Variants in UBR4 observed in about 807,000 individuals in gnomAD.
UBR4 encodes the protein E3 ubiquitin-protein ligase UBR4.
In UBR4, 124 loss-of-function variants were observed where a neutral mutation model predicts 575.6. That is an observed-to-expected ratio of 0.22 (90% CI 0.19 to 0.25). UBR4 has a LOEUF of 0.25. Among genes scored for constraint, UBR4 ranks in the 10% least tolerant of loss-of-function variants. The probability of loss-of-function intolerance (pLI) is 1.00; values close to 1 mark genes in which losing one functional copy is unlikely to be tolerated. For missense variants in UBR4, 4,818 were observed against 6,478.8 expected (o/e 0.74, Z 8.80); for synonymous variants, 2,455 against 2,473.7 (o/e 0.99, Z 0.22).
intron 37 of UBR4, 138 bp downstream of exon 37, chr1:19,161,451 T>A (rs2087358083): frequency 1.6e-6 from 2 of 1,216,430 alleles, no homozygotes; most frequent in African/African-American, 3.0e-5. Context: ...GCCACAACTG[T>A]GCAGATCATC....
chr1:19,087,770 G>T, intron 99 of UBR4, 46 bp downstream of exon 99: 1 of 1,503,154 alleles, frequency 6.7e-7, no homozygotes, highest in South Asian at 1.2e-5. Flanking sequence ...TAGAACAAGG[G>T]GTCAGGCTGG....
At chr1:19,106,016 G>C (rs1180074748) in intron 83 of UBR4, among the ~76,000 whole-genome samples, 174 bp from the exon 84 acceptor site, 2 of 152,184 alleles carry the variant, frequency 1.3e-5, no homozygotes, top group Admixed American at 1.3e-4. Flanking sequence ...GTTTTAGATG[G>C]GGAAAGGGGC....
At chr1:19,128,389 CAG>C in intron 61 of UBR4, 71 bp from the exon 62 acceptor site, 1 of 1,315,240 alleles carries the variant, frequency 7.6e-7, no homozygotes, top group Non-Finnish European at 1.1e-6. Flanking sequence ...CGGGGTGTTT[CAG>C]AAGAAATCCT....
At chr1:19,149,749 G>A in intron 49 of UBR4, 3 of 1,301,428 alleles carry the variant, frequency 2.3e-6, no homozygotes, top group Non-Finnish European at 3.0e-6. Flanking sequence ...AGAAAAGAAA[G>A]AGGGCATACT....
intron 104 of UBR4, 35 bp downstream of exon 104, chr1:19,077,941 G>C: frequency 6.2e-7 from 1 of 1,613,060 alleles, no homozygotes; most frequent in Non-Finnish European, 8.5e-7. Flanking sequence ...TTACACTCTT[G>C]CCAAAACCCA....
At chr1:19,176,814 G>T (rs1264963888) in intron 19 of UBR4, 87 bp from the exon 20 acceptor site, 13 of 1,431,094 alleles carry the variant, frequency 9.1e-6, no homozygotes, top group Non-Finnish European at 3.8e-6. Context: ...TCGGTACACT[G>T]AATCTTGGTA....
chr1:19,146,182 A>G, intron 52 of UBR4: 3 of 1,233,362 alleles, frequency 2.4e-6, no homozygotes, highest in Non-Finnish European at 3.3e-6. Flanking sequence ...TGTTTACCGC[A>G]GATTCAAAGA....
At chr1:19,186,843 A>C (rs540307076) in intron 13 of UBR4, among the ~76,000 whole-genome samples, 186 bp from the exon 14 acceptor site, 119 of 152,234 alleles carry the variant, frequency 7.8e-4, no homozygotes, top group Middle Eastern at 3.4e-3. Context: ...CGTGGACAAG[A>C]ATTGAAAACA....
rs76636569 is a variant in UBR4 at position 19,124,728 on chromosome 1, C to T, written c.9439-38G>A. Reference sequence around the variant, plus strand: ...AATTTGCATGAGAACCTGTGACTATCGATTTTCCATGACCACAATTAGGAA... The same window carrying T: ...AATTTGCATGAGAACCTGTGACTATTGATTTTCCATGACCACAATTAGGAA... On this transcript the variant is annotated intron_variant, in intron 64 of 105. Transcript: ENST00000375254. 4.4e-4 allele frequency: 696 copies of T among 1,596,430 alleles called. 4 individuals carry two copies. The East Asian group carries it at 0.015, about 35-fold the overall frequency.
chr1:19,099,153 A>T (rs114261911), intron 90 of UBR4, among the ~76,000 whole-genome samples: 2,692 of 152,312 alleles, frequency 0.018, 82 homozygotes, highest in African/African-American at 0.061. Context: ...CCATTCCCCA[A>T]CTAGTAAAAC....
At chr1:19,146,010 C>CA (rs1239927727) in intron 52 of UBR4, 77 bp from the exon 53 acceptor site, 5 of 1,609,388 alleles carry the variant, frequency 3.1e-6, no homozygotes, top group Non-Finnish European at 3.4e-6. Context: ...TAACTCAGGT[C>CA]AAGGAAGCTT....
At position 19,162,447 on chromosome 1, in the gene UBR4, T is replaced by C. The variant is rs777877858; in HGVS notation, c.4929A>G (p.Glu1643=). The C allele has an allele frequency of 6.2e-7, 1 of 1,613,980 alleles. No individual in the cohort carries two copies. Among genetic ancestry groups the C allele is most frequent in the Non-Finnish European group, 8.5e-7 (1 of 1,179,966 alleles). Reference sequence around the variant, plus strand: ...AATCCTCAGCCTGGGAATCTTCCTCTTCCACCGCCAACTCCTCCACCCAGT... The same window carrying C: ...AATCCTCAGCCTGGGAATCTTCCTCCTCCACCGCCAACTCCTCCACCCAGT... ...DSDWVEELAV[E]EEDSQAEDSD... is the part of the protein sequence containing the mutation. The change falls in exon 35 of 106, where the codon GAA becomes GAG. Residue 1643 remains glutamate, a synonymous_variant. Transcript: ENST00000375254.
rs1299652801 is a variant in UBR4 at position 19,105,123 on chromosome 1, G to T, written c.12570C>A (p.Leu4190=). ...AAEYLALYQK[L]ITSAHWKVYL... is the part of the protein sequence containing the mutation. ...AGACTTTCCAGTGCGCAGAAGTGAT[G>T]AGCTTCTGGTAGAGAGCCAGGTACT... The change falls in exon 85 of 106, where the codon CTC becomes CTA. Residue 4190 remains leucine, a synonymous_variant. Transcript: ENST00000375254. 8.1e-6 allele frequency: 13 copies of T among 1,614,008 alleles called. No homozygotes were observed. In the East Asian group the frequency reaches 2.9e-4, roughly 36 times the overall value.
rs201075045 is a variant in UBR4 at position 19,164,354 on chromosome 1, G to A, written c.4599C>T (p.Gly1533=). The change falls in exon 33 of 106, where the codon GGC becomes GGT. Residue 1533 remains glycine, a synonymous_variant. Coordinates refer to ENST00000375254, the MANE Select transcript of UBR4 (RefSeq NM_020765.3). Reference sequence around the variant, plus strand: ...CCATCACAACCATAAGTTCAGGGAAGCCAGTCCCATCACCGTTGGCCAGCA... The same window carrying A: ...CCATCACAACCATAAGTTCAGGGAAACCAGTCCCATCACCGTTGGCCAGCA... ...TEMLANGDGT[G]FPELMVVMAT... 15 of 1,614,198 alleles carry A rather than the reference G, an allele frequency of 9.3e-6. No individual in the cohort carries two copies. The highest frequency in any genetic ancestry group is 1.3e-5 in the African/African-American group (1 of 75,068).
chr1:19,177,735 G>C lies in UBR4; in HGVS notation c.2363C>G (p.Ser788Cys), dbSNP rs1324711367. ...TTGCAGGGCATTCTGCTTCATTGTA[G>C]ACAAAAACCTACCAGAGAGAAAAGA... Reference protein sequence around the residue: ...ECLKVWDRFLSTMKQNALQGV... With the variant: ...ECLKVWDRFLCTMKQNALQGV... The change falls in exon 19 of 106, where the codon TCT becomes TGT. Residue 788 changes from serine (S) to cysteine (C), a missense_variant. Coordinates refer to ENST00000375254, the MANE Select transcript of UBR4 (RefSeq NM_020765.3). The C allele has an allele frequency of 6.2e-7, 1 of 1,611,534 alleles. No homozygotes were observed.
At position 19,128,261 on chromosome 1, in the gene UBR4, G is replaced by A; in HGVS notation, c.9061C>T (p.Leu3021=). Residue 3021 remains leucine (L), a synonymous_variant, in exon 62 of 106, where the codon CTA becomes TTA. Coordinates refer to ENST00000375254, the MANE Select transcript of UBR4 (RefSeq NM_020765.3). ...ATAAGCTGGGAGAGCAGGTTGTCTA[G>A]GGCCCCCTTGTCTTTCTCATCTTCT... ...DGEDEKDKGA[L]DNLLSQLIAE... 2 of 1,614,036 alleles carry A rather than the reference G, an allele frequency of 1.2e-6. No individual in the cohort carries two copies. The highest frequency in any genetic ancestry group is 1.7e-6 in the Non-Finnish European group (2 of 1,179,972).
At chr1:19,127,884 T>A (rs1238088301) in intron 62 of UBR4, 145 bp from the exon 63 acceptor site, 1 of 678,880 alleles carries the variant, frequency 1.5e-6, no homozygotes, top group African/African-American at 1.8e-5. Context: ...AGTATATCCA[T>A]GGACTATACT....
chr1:19,188,423 G>A (rs1057500824), intron 11 of UBR4, among the ~76,000 whole-genome samples: 1 of 152,080 alleles, frequency 6.6e-6, no homozygotes, highest in Admixed American at 6.6e-5. Context: ...AAGTGGTGAG[G>A]CACACCTGTG....
chr1:19,080,700 G>A (rs778953137), intron 103 of UBR4: 10 of 152,212 alleles, frequency 6.6e-5, no homozygotes, highest in Non-Finnish European at 1.3e-4. Context: ...TACCCATGGG[G>A]TCTCCTCTGC....
Sources: gnomAD v4.1 joint callset for allele counts (sites outside exome capture counted in the v4.1 genomes callset) on GRCh38, gnomAD v4.1.1 for gene constraint, MANE v1.5 for transcripts, NCBI Gene and HGNC (gene_info 2026-07-23, HGNC 2026-07-21) for gene names.